SEMA3A: variants seen among roughly 807,000 people sequenced by gnomAD.
SEMA3A encodes semaphorin-3A.
A neutral mutation model predicts 97.9 loss-of-function variants in SEMA3A; 29 were observed. The observed-to-expected ratio is 0.30, with a 90% confidence interval of 0.22 to 0.40. SEMA3A has a LOEUF of 0.40. Among genes scored for constraint, SEMA3A ranks in the 10% least tolerant of loss-of-function variants. The pLI, the probability that SEMA3A is intolerant of heterozygous loss-of-function variation, is 1.00. For missense variants in SEMA3A, 763 were observed against 951.3 expected, an observed-to-expected ratio of 0.80 and a Z score of 2.60; for synonymous variants, 321 against 323.7, an observed-to-expected ratio of 0.99 and a Z score of 0.09.
intron 2 of SEMA3A, among the ~76,000 whole-genome samples, chr7:84,370,730 A>G (rs907055108): frequency 6.6e-6 from 1 of 151,788 alleles, no homozygotes; most frequent in African/African-American, 2.4e-5. Flanking sequence ...TAGGGAAGGA[A>G]ATAAAATTCA....
intron 3 of SEMA3A, among the ~76,000 whole-genome samples, chr7:84,261,273 C>T (rs12532702): frequency 0.19 from 29,071 of 152,104 alleles, 3,634 homozygotes; most frequent in Non-Finnish European, 0.29. Flanking sequence ...ACCTGGCTCA[C>T]CCTCCAGCTG....
At chr7:84,017,076 A>C in intron 6 of SEMA3A, among the ~76,000 whole-genome samples, 1 of 152,172 alleles carries the variant, frequency 6.6e-6, no homozygotes, top group Non-Finnish European at 1.5e-5. Flanking sequence ...GAGTATCCAT[A>C]ATATATAATC....
At chr7:84,343,293 T>C (rs1802217440) in intron 2 of SEMA3A, among the ~76,000 whole-genome samples, 2 of 152,144 alleles carry the variant, frequency 1.3e-5, no homozygotes, top group African/African-American at 4.8e-5. Context: ...GGATTCCATG[T>C]ATAGGAGTTT....
chr7:83,961,324 G>T lies in SEMA3A; in HGVS notation c.*47C>A. On this transcript the variant is annotated 3_prime_UTR_variant, in exon 17 of 17. Transcript: ENST00000265362. ...TATTGCATTTGTTTTTCCAGTTATT[G>T]TCTAGGCAAGTTTCTACTTGTTTGA... The T allele has an allele frequency of 2.7e-6, 4 of 1,465,898 alleles. No homozygotes were observed. Among genetic ancestry groups the T allele is most frequent in the Non-Finnish European group, 3.8e-6 (4 of 1,048,522 alleles). The allele number at this position is 1,465,898 out of a possible 1,614,324, so 90.8% of individuals were successfully genotyped here.
intron 3 of SEMA3A, among the ~76,000 whole-genome samples, chr7:84,221,065 TA>T (rs1403652766): frequency 6.6e-6 from 1 of 152,158 alleles, no homozygotes; most frequent in African/African-American, 2.4e-5. Context: ...CTTCATCAAT[TA>T]CTTAGCTACA....
chr7:84,280,614 C>A (rs575777810), intron 3 of SEMA3A, among the ~76,000 whole-genome samples: 16 of 151,692 alleles, frequency 1.1e-4, no homozygotes, highest in Non-Finnish European at 1.9e-4. Context: ...TGAAACCACA[C>A]CTCTACTAAA....
chr7:84,452,156 T>C (rs1309886754), intron 1 of SEMA3A, among the ~76,000 whole-genome samples: 1 of 152,120 alleles, frequency 6.6e-6, no homozygotes, highest in African/African-American at 2.4e-5. Flanking sequence ...GATCACACAT[T>C]TGTCCTATTA....
At chr7:84,208,769 A>C (rs1351814123) in intron 3 of SEMA3A, among the ~76,000 whole-genome samples, 1 of 152,218 alleles carries the variant, frequency 6.6e-6, no homozygotes, top group Non-Finnish European at 1.5e-5. Context: ...TATTCCAAAG[A>C]ATTACTCTCA....
chr7:84,190,593 G>C (rs1195710772), intron 1 of SEMA3A, among the ~76,000 whole-genome samples: 1 of 150,924 alleles, frequency 6.6e-6, no homozygotes, highest in East Asian at 1.9e-4. Flanking sequence ...CATTTTAGCT[G>C]TGAGCAGATT....
At chr7:84,350,586 T>G (rs1802413382) in intron 2 of SEMA3A, among the ~76,000 whole-genome samples, 1 of 152,166 alleles carries the variant, frequency 6.6e-6, no homozygotes, top group Non-Finnish European at 1.5e-5. Context: ...TGTGAAGATG[T>G]GTTTACTAGT....
At chr7:84,262,529 A>T (rs943864042) in intron 3 of SEMA3A, among the ~76,000 whole-genome samples, 2 of 152,202 alleles carry the variant, frequency 1.3e-5, no homozygotes, top group African/African-American at 4.8e-5. Flanking sequence ...ATTTTCAATC[A>T]TACTAATATA....
intron 1 of SEMA3A, among the ~76,000 whole-genome samples, chr7:84,144,863 T>G (rs1247985692): frequency 6.6e-6 from 1 of 152,182 alleles, no homozygotes; most frequent in African/African-American, 2.4e-5. Flanking sequence ...TTACATCACT[T>G]GCCTCCTTAA....
chr7:83,993,679 A>G (rs959947451), intron 12 of SEMA3A, among the ~76,000 whole-genome samples: 1 of 111,872 alleles, frequency 8.9e-6, no homozygotes, highest in African/African-American at 4.0e-5. Context: ...TTCTGCTGAG[A>G]GATCTGCTGT....
intron 15 of SEMA3A, among the ~76,000 whole-genome samples, chr7:83,967,870 T>C (rs1788766235): frequency 6.6e-6 from 1 of 152,230 alleles, no homozygotes; most frequent in Non-Finnish European, 1.5e-5. Flanking sequence ...ATGTATACAT[T>C]GTATAATGAT....
intron 6 of SEMA3A, among the ~76,000 whole-genome samples, chr7:84,023,899 C>G (rs1791432337): frequency 6.6e-6 from 1 of 151,694 alleles, no homozygotes; most frequent in African/African-American, 2.4e-5. Flanking sequence ...GTAGTCCCAG[C>G]TACTCGGGAG....
At chr7:83,978,741 C>T (rs80101842) in intron 14 of SEMA3A, among the ~76,000 whole-genome samples, 6,351 of 152,198 alleles carry the variant, frequency 0.042, 423 homozygotes, top group African/African-American at 0.14. Context: ...TTGTGAAACA[C>T]GAACTACAAA....
intron 3 of SEMA3A, among the ~76,000 whole-genome samples, chr7:84,263,726 T>C (rs1799918050): frequency 1.3e-5 from 2 of 152,220 alleles, no homozygotes; most frequent in South Asian, 4.1e-4. Context: ...TGTATCAGTT[T>C]TTGGAGTATT....
rs2116244836 is a variant in SEMA3A at position 83,961,384 on chromosome 7, G to T, written c.2303C>A (p.Pro768His). The T allele has an allele frequency of 6.2e-7, 1 of 1,613,750 alleles. No homozygotes were observed. Among genetic ancestry groups the T allele is most frequent in the Non-Finnish European group, 8.5e-7 (1 of 1,179,710 alleles). The change falls in exon 17 of 17, where the codon CCC becomes CAC. Residue 768 changes from proline to histidine, a missense_variant. Physicochemically the swap from Pro to His is moderately conservative, Grantham distance 77. This residue lies in a region of SEMA3A where 678 missense variants were observed against 881.3 expected (regional missense o/e 0.77). Transcript: ENST00000265362. ...NRRTHEFERA[P>H]RSV is the part of the protein sequence containing the mutation. ...AGGTAATGCAGCTCAGACACTCCTGGGTGCCCTCTCAAATTCGTGGGTCCT... is the reference window on the plus strand; with the variant it reads ...AGGTAATGCAGCTCAGACACTCCTGTGTGCCCTCTCAAATTCGTGGGTCCT...
intron 3 of SEMA3A, among the ~76,000 whole-genome samples, chr7:84,294,692 C>G (rs891684982): frequency 2.0e-5 from 3 of 151,792 alleles, no homozygotes; most frequent in Non-Finnish European, 2.9e-5. Context: ...ACTTGTAATC[C>G]TCTAAATATT....
Sources: gnomAD v4.1 joint callset for allele counts (sites outside exome capture counted in the v4.1 genomes callset) on GRCh38, gnomAD v4.1.1 for gene constraint, gnomAD v4.1.1 regional missense constraint, MANE v1.5 for transcripts, NCBI Gene and HGNC (gene_info 2026-07-23, HGNC 2026-07-21) for gene names.